Variants in ZDHHC2 observed in about 807,000 individuals in gnomAD.
The protein encoded by ZDHHC2 is zDHHC palmitoyltransferase 2.
A neutral mutation model predicts 55.6 loss-of-function variants in ZDHHC2; 51 were observed. The observed-to-expected ratio is 0.92, with a 90% confidence interval of 0.73 to 1.16. ZDHHC2 has a LOEUF of 1.16. Among genes scored for constraint, ZDHHC2 ranks in the 50% most tolerant of loss-of-function variants. The pLI, the probability that ZDHHC2 is intolerant of heterozygous loss-of-function variation, is 0.00. For missense variants in ZDHHC2, 491 were observed against 442.4 expected (o/e 1.11, Z -0.99); for synonymous variants, 199 against 152.9 (o/e 1.30, Z -2.22).
intron 1 of ZDHHC2, among the ~76,000 whole-genome samples, chr8:17,182,054 A>C (rs1805456333): frequency 6.6e-6 from 1 of 152,212 alleles, no homozygotes; most frequent in Non-Finnish European, 1.5e-5. Context: ...GGTTGAAAGA[A>C]CATTCATTTC....
At position 17,220,366 on chromosome 8, in the gene ZDHHC2, T is replaced by C. The variant is rs1585752265; in HGVS notation, c.*145T>C. ...GCAGAATATGAATTGATTAGTTCTC[T>C]CCAAGCCATTGCTTAAAATATAACA... On this transcript the variant is annotated 3_prime_UTR_variant, in exon 13 of 13. Coordinates refer to ENST00000262096, the MANE Select transcript of ZDHHC2 (RefSeq NM_016353.5). The C allele has an allele frequency of 6.6e-6, 1 of 152,014 alleles. No individual in the cohort carries two copies. Among genetic ancestry groups the C allele is most frequent in the South Asian group, 2.1e-4 (1 of 4,832 alleles). The allele number at this position is 152,014 out of a possible 1,614,324, so 9.4% of individuals were successfully genotyped here. A position where few individuals can be genotyped will look rare whatever the true frequency, so the allele number is the denominator to read the frequency against.
intron 12 of ZDHHC2, among the ~76,000 whole-genome samples, chr8:17,218,098 A>C (rs1807730571): frequency 6.6e-6 from 1 of 152,186 alleles, no homozygotes; most frequent in South Asian, 2.1e-4. Flanking sequence ...TATTGTCAGC[A>C]AAATGCTGAC....
At chr8:17,215,834 A>C (rs1034444657) in intron 11 of ZDHHC2, among the ~76,000 whole-genome samples, 1 of 152,094 alleles carries the variant, frequency 6.6e-6, no homozygotes, top group African/African-American at 2.4e-5. Flanking sequence ...TCCTCTTGTT[A>C]CTGTTGTTGA....
intron 1 of ZDHHC2, among the ~76,000 whole-genome samples, chr8:17,167,099 G>C (rs748793775): frequency 6.6e-6 from 1 of 152,000 alleles, no homozygotes; most frequent in African/African-American, 2.4e-5. Flanking sequence ...AGGTTAACAC[G>C]TACTAACATT....
At chr8:17,166,972 T>A (rs1196436578) in intron 1 of ZDHHC2, among the ~76,000 whole-genome samples, 1 of 152,192 alleles carries the variant, frequency 6.6e-6, no homozygotes, top group South Asian at 2.1e-4. Context: ...TTAAAAAGGC[T>A]TTACCCTGTT....
At chr8:17,194,449 T>C (rs1016173955) in intron 3 of ZDHHC2, among the ~76,000 whole-genome samples, 1 of 151,486 alleles carries the variant, frequency 6.6e-6, no homozygotes, top group Non-Finnish European at 1.5e-5. Flanking sequence ...ATGTCAAACA[T>C]TGTTCATATT....
At chr8:17,182,055 C>T (rs1452216130) in intron 1 of ZDHHC2, among the ~76,000 whole-genome samples, 1 of 152,154 alleles carries the variant, frequency 6.6e-6, no homozygotes, top group Non-Finnish European at 1.5e-5. Context: ...GTTGAAAGAA[C>T]ATTCATTTCC....
chr8:17,211,368 A>G (rs865912768), intron 10 of ZDHHC2, among the ~76,000 whole-genome samples: 3 of 152,236 alleles, frequency 2.0e-5, no homozygotes, highest in Middle Eastern at 6.8e-3. Context: ...CTCCATATTG[A>G]ACATTTCTTA....
chr8:17,184,282 A>C (rs1164077746), intron 1 of ZDHHC2, among the ~76,000 whole-genome samples: 3 of 152,234 alleles, frequency 2.0e-5, no homozygotes, highest in South Asian at 4.1e-4. Context: ...TCGTTGTGCA[A>C]CAGGGAGCAA....
chr8:17,183,939 G>C (rs138160787), intron 1 of ZDHHC2, among the ~76,000 whole-genome samples: 2 of 152,086 alleles, frequency 1.3e-5, no homozygotes, highest in African/African-American at 4.8e-5. Flanking sequence ...TCTGGTTCCA[G>C]GCTTCAGAAG....
chr8:17,176,847 T>A (rs1250149786), intron 1 of ZDHHC2, among the ~76,000 whole-genome samples: 1 of 151,910 alleles, frequency 6.6e-6, no homozygotes, highest in African/African-American at 2.4e-5. Flanking sequence ...TGACTTAAAG[T>A]ATAATAAAAA....
In ZDHHC2 at chr8:17,224,034, T is replaced by G. The variant is rs1175204992; in HGVS notation, c.*3813T>G. Reference sequence around the variant, plus strand: ...GAGACTCTGAAACAGGGCACCCATTTTTTTTTTCCTTCCTCAAAATAGTCT... The same window carrying G: ...GAGACTCTGAAACAGGGCACCCATTGTTTTTTTCCTTCCTCAAAATAGTCT... On this transcript the variant is annotated 3_prime_UTR_variant, in exon 13 of 13. Transcript: ENST00000262096. The G allele has an allele frequency of 4.6e-5, 7 of 151,614 alleles. No homozygotes were observed. The highest frequency in any genetic ancestry group is 7.4e-5 in the Non-Finnish European group (5 of 67,670). The allele number at this position is 151,614 out of a possible 1,614,324, so 9.4% of individuals were successfully genotyped here.
intron 1 of ZDHHC2, among the ~76,000 whole-genome samples, chr8:17,160,718 G>C (rs1282281243): frequency 2.0e-5 from 3 of 152,222 alleles, no homozygotes; most frequent in African/African-American, 7.2e-5. Context: ...CACAATTTTA[G>C]AGATTTAAAG....
intron 6 of ZDHHC2, among the ~76,000 whole-genome samples, chr8:17,201,736 T>C (rs945638512): frequency 1.3e-5 from 2 of 151,276 alleles, no homozygotes; most frequent in Non-Finnish European, 2.9e-5. Context: ...GACCTTGTGA[T>C]CCACCCGCCT....
rs1282071144 is a variant in ZDHHC2 at position 17,210,421 on chromosome 8, T to C, written c.891T>C (p.Leu297=). Residue 297 remains leucine, a synonymous_variant, in exon 10 of 13, where the codon CTT becomes CTC. Transcript: ENST00000262096. ...ATGGCTGCTCCTTTCCAACTTGCCTTGTTAACCAGGATCCTGAACAAGCAT... is the reference window on the plus strand; with the variant it reads ...ATGGCTGCTCCTTTCCAACTTGCCTCGTTAACCAGGATCCTGAACAAGCAT... The part of the protein sequence containing the change: ...LGDGCSFPTC[L]VNQDPEQAST... 7.4e-6 allele frequency: 12 copies of C among 1,613,386 alleles called. 1 individual carries two copies. In the South Asian group the frequency reaches 1.2e-4, roughly 16 times the overall value.
At chr8:17,205,612 G>A (rs1213054918) in intron 6 of ZDHHC2, 43 bp from the exon 7 acceptor site, 2 of 1,551,082 alleles carry the variant, frequency 1.3e-6, no homozygotes, top group African/African-American at 1.4e-5. Context: ...CATGTAGGTT[G>A]AAGATGTAAA....
At chr8:17,201,665 G>GTTT (rs67135015) in intron 6 of ZDHHC2, among the ~76,000 whole-genome samples, 1 of 130,010 alleles carries the variant, frequency 7.7e-6, no homozygotes, top group African/African-American at 2.9e-5. Context: ...ACGGTTTTTG[G>GTTT]TTTTTTTTTT....
intron 11 of ZDHHC2, among the ~76,000 whole-genome samples, chr8:17,216,742 ATGAAGAAC>A (rs1563172427): frequency 6.6e-6 from 1 of 152,164 alleles, no homozygotes; most frequent in African/African-American, 2.4e-5. Context: ...GTTGGATGAA[ATGAAGAAC>A]TACTTAAAGT....
At chr8:17,195,041 G>C (rs1461749157) in intron 3 of ZDHHC2, among the ~76,000 whole-genome samples, 7 of 152,054 alleles carry the variant, frequency 4.6e-5, no homozygotes, top group Admixed American at 4.6e-4. Context: ...AAGTGCTGGG[G>C]GAGATTTTAT....
Sources: gnomAD v4.1 joint callset for allele counts (sites outside exome capture counted in the v4.1 genomes callset) on GRCh38, gnomAD v4.1.1 for gene constraint, MANE v1.5 for transcripts, NCBI Gene and HGNC (gene_info 2026-07-23, HGNC 2026-07-21) for gene names.